Variants in LAMA5 observed in about 807,000 individuals in gnomAD.
LAMA5 encodes the protein laminin subunit alpha-5.
LAMA5 carries 260 observed loss-of-function variants against 433.4 expected under a neutral mutation model. The observed-to-expected ratio is 0.60, with a 90% CI of 0.54 to 0.66. LAMA5 has a LOEUF of 0.66. LAMA5 is among the 30% of genes least tolerant of loss of function. The probability of loss-of-function intolerance (pLI) is 0.00; values close to 1 mark genes in which losing one functional copy is unlikely to be tolerated. For synonymous variants in LAMA5, 2,620 were observed against 2,226.6 expected (o/e 1.18, Z -4.97); for missense variants, 5,378 against 5,258.5 (o/e 1.02, Z -0.70).
Position 62,314,606 on chromosome 20 carries a change from C to A in LAMA5, c.8316G>T (p.Glu2772Asp). 6.2e-7 allele frequency: 1 copy of A among 1,612,410 alleles called. No individual in the cohort carries two copies. The highest frequency in any genetic ancestry group is 8.5e-7 in the Non-Finnish European group (1 of 1,179,840). The change falls in exon 61 of 80, where the codon GAG (glutamate) becomes GAT (aspartate). Residue 2772 changes from glutamate to aspartate, a missense_variant. Coordinates refer to ENST00000252999, the MANE Select transcript of LAMA5 (RefSeq NM_005560.6). ...AGCGATCCTCGGTACCCTGCCCAGG[C>A]TCAGGCTCTGGGCCCTGCAGGTAGA... The part of the protein sequence containing the change: ...LKFYLQGPEP[E>D]PGQGTEDRFV...
At chr20:62,355,551 T>C (rs901514583) in intron 2 of LAMA5, 3 of 151,892 alleles carry the variant, frequency 2.0e-5, no homozygotes, top group Non-Finnish European at 4.4e-5. Flanking sequence ...GGCTTGGCGT[T>C]GCGGGGACTG....
Position 62,311,050 on chromosome 20 carries a change from A to C in LAMA5, c.10133T>G (p.Leu3378Arg), listed in dbSNP as rs147595855. ...CCTCAGACGGGCAGTGAAGAGGAGG[A>C]GGCCTCGGGAGCTTCGCGGGAGGAC... Reference protein sequence around the residue: ...MHVLPRSSRGLLLFTARLRPG... With the variant: ...MHVLPRSSRGRLLFTARLRPG... The change falls in exon 74 of 80, where the codon CTC (leucine) becomes CGC (arginine). Residue 3378 changes from leucine (L) to arginine (R), a missense_variant. Physicochemically the swap from Leu to Arg is moderately radical, Grantham distance 102 (BLOSUM62 -2). Coordinates refer to ENST00000252999, the MANE Select transcript of LAMA5 (RefSeq NM_005560.6). 2.7e-4 allele frequency: 432 copies of C among 1,602,372 alleles called. No homozygotes were observed. Among genetic ancestry groups the C allele is most frequent in the East Asian group, 3.4e-4 (15 of 44,626 alleles).
At position 62,318,483 on chromosome 20, in the gene LAMA5, G is replaced by A. The variant is rs147913341; in HGVS notation, c.7210C>T (p.Arg2404Cys). 74 of 1,606,056 alleles carry A rather than the reference G, an allele frequency of 4.6e-5. No homozygotes were observed. Among genetic ancestry groups the A allele is most frequent in the East Asian group, 3.8e-4 (17 of 44,738 alleles). ...ATREAQELNS[R>C]NQERLEEALQ... ...GCTTCCTCCAGGCGCTCCTGGTTGC[G>A]GCTGTTGAGCTCCTGGGCCTCCCGT... The change falls in exon 53 of 80, where the codon CGC (arginine) becomes TGC (cysteine). Residue 2404 changes from arginine to cysteine, a missense_variant. By Grantham distance (180) the Arg-to-Cys change is radical. Coordinates refer to ENST00000252999, the MANE Select transcript of LAMA5 (RefSeq NM_005560.6).
At chr20:62,316,596 G>T in intron 57 of LAMA5, 75 bp downstream of exon 57, 1 of 1,177,192 alleles carries the variant, frequency 8.5e-7, no homozygotes. Context: ...GTGTGCATGT[G>T]GCTGGGGGCT....
At chr20:62,342,486 C>T (rs968429048) in intron 11 of LAMA5, among the ~76,000 whole-genome samples, 2 of 151,830 alleles carry the variant, frequency 1.3e-5, no homozygotes, top group Admixed American at 1.3e-4. Context: ...GACCATCCTG[C>T]TTTAACACGG....
chr20:62,365,608 C>A (rs116732240), intron 1 of LAMA5, among the ~76,000 whole-genome samples: 9,642 of 152,220 alleles, frequency 0.063, 334 homozygotes, highest in South Asian at 0.18. Flanking sequence ...TGAGGTGTGG[C>A]AGCAGGTAAG....
chr20:62,312,236 G>A lies in LAMA5; in HGVS notation c.9441C>T (p.Val3147=), dbSNP rs1323440807. Residue 3147 remains valine, a synonymous_variant, in exon 69 of 80, where the codon GTC becomes GTT. Transcript: ENST00000252999. ...LSNVAPLTGN[V]YSGFGFHSAQ... Reference sequence around the variant, plus strand: ...CGCTGTGGAAGCCGAAGCCGGAGTAGACGTTGCCAGTGAGCGGTGCCACGT... The same window carrying A: ...CGCTGTGGAAGCCGAAGCCGGAGTAAACGTTGCCAGTGAGCGGTGCCACGT... 2 of 1,611,122 alleles carry A rather than the reference G, an allele frequency of 1.2e-6. No individual in the cohort carries two copies. Among genetic ancestry groups the A allele is most frequent in the South Asian group, 1.1e-5 (1 of 90,838 alleles).
rs376557085 is a variant in LAMA5 at position 62,351,819 on chromosome 20, G to A, written c.859-18C>T. 88 of 1,593,932 alleles carry A rather than the reference G, an allele frequency of 5.5e-5. No individual in the cohort carries two copies. The highest frequency in any genetic ancestry group is 6.9e-5 in the Non-Finnish European group (81 of 1,172,100). On this transcript the variant is annotated intron_variant, in intron 5 of 79. Coordinates refer to ENST00000252999, the MANE Select transcript of LAMA5 (RefSeq NM_005560.6). ...TAATAATACTGCACCCGCAGGCCCC[G>A]TGAGCACCAGGCGGCCAGGCCTCAC...
Position 62,310,741 on chromosome 20 carries a change from T to G in LAMA5, c.10370A>C (p.Gln3457Pro). Residue 3457 changes from glutamine (Q) to proline (P), a missense_variant, in exon 75 of 80, where the codon CAG becomes CCG. Coordinates refer to ENST00000252999, the MANE Select transcript of LAMA5 (RefSeq NM_005560.6). The part of the protein sequence containing the change: ...WSQEGPHRQH[Q>P]GAEHPQPHTL... ...GTGGGGCTGGGGGTGCTCTGCCCCC[T>G]GGTGCTGCCGGTGCGGCCCCTCCTG... 6.3e-7 allele frequency: 1 copy of G among 1,580,806 alleles called. No individual in the cohort carries two copies. The highest frequency in any genetic ancestry group is 8.6e-7 in the Non-Finnish European group (1 of 1,166,320).
At chr20:62,320,318 CAAAAAAAAAA>C (rs60260941) in intron 50 of LAMA5, among the ~76,000 whole-genome samples, 2 of 51,282 alleles carry the variant, frequency 3.9e-5, no homozygotes, top group South Asian at 1.2e-3. Flanking sequence ...AACTGTGTCT[CAAAAAAAAAA>C]AAAAAAAAAA....
chr20:62,309,948 T>TG (rs754547595), intron 78 of LAMA5, 40 bp downstream of exon 78: 25 of 1,604,518 alleles, frequency 1.6e-5, no homozygotes, highest in Non-Finnish European at 5.9e-6. Context: ...TGCAGAAGGG[T>TG]GGGGGTGGCA....
In LAMA5 at chr20:62,320,897, G is replaced by A. The variant is rs1384025504; in HGVS notation, c.6497-7C>T. 3.1e-6 allele frequency: 5 copies of A among 1,603,090 alleles called. No homozygotes were observed. The highest frequency in any genetic ancestry group is 2.2e-5 in the South Asian group (2 of 90,670). On this transcript the variant is annotated splice_region_variant and splice_polypyrimidine_tract_variant and intron_variant, in intron 48 of 79. Transcript: ENST00000252999. Reference sequence around the variant, plus strand: ...ACCACACAGTGGTCACACACTGCAGGCGATGTGGGGTCACAGGTCAGTGTC... The same window carrying A: ...ACCACACAGTGGTCACACACTGCAGACGATGTGGGGTCACAGGTCAGTGTC...
intron 67 of LAMA5, 23 bp downstream of exon 67, chr20:62,312,609 C>T (rs776380979): frequency 6.2e-7 from 1 of 1,601,692 alleles, no homozygotes; most frequent in East Asian, 2.3e-5. Flanking sequence ...GGCCTCGGAG[C>T]CCCAGCTGCG....
Position 62,319,136 on chromosome 20 carries a change from CGCACCTGGGTGGCCCCTAGA to C in LAMA5, c.6872-143_6872-124del, listed in dbSNP as rs1987377669. On this transcript the variant is annotated intron_variant, in intron 51 of 79. Coordinates refer to ENST00000252999, the MANE Select transcript of LAMA5 (RefSeq NM_005560.6). ...GCAGGCCAGGGGCCCGGAACCTGAGCGCACCTGGGTGGCCCCTAGAGCACCTGGCGAAAGGCCACAGCTGC... is the reference window on the plus strand; with the variant it reads ...GCAGGCCAGGGGCCCGGAACCTGAGCGCACCTGGCGAAAGGCCACAGCTGC... The C allele has an allele frequency of 3.7e-6, 4 of 1,074,110 alleles. No homozygotes were observed. In the African/African-American group the frequency reaches 6.4e-5, roughly 17 times the overall value. 66.5% of individuals were successfully genotyped at this position (1,074,110 alleles called of 1,614,324 possible).
rs770685074 is a variant in LAMA5, at chr20:62,337,840, A to G, written c.1990T>C (p.Cys664Arg). The change falls in exon 15 of 80, where the codon TGC becomes CGC. Residue 664 changes from cysteine (C) to arginine (R), a missense_variant. Transcript: ENST00000252999. ...PGYTGTACQE[C>R]SPGFHGFPSC... is the part of the protein sequence containing the mutation. ...GGGAAGCCGTGAAAGCCGGGGCTGCATTCCTGGCAGGCAGTGCCTGTGTAG... is the reference window on the plus strand; with the variant it reads ...GGGAAGCCGTGAAAGCCGGGGCTGCGTTCCTGGCAGGCAGTGCCTGTGTAG... 1 of 1,612,774 alleles carries G rather than the reference A, an allele frequency of 6.2e-7. No homozygotes were observed. Among genetic ancestry groups the G allele is most frequent in the Non-Finnish European group, 8.5e-7 (1 of 1,179,950 alleles).
At position 62,311,234 on chromosome 20, in the gene LAMA5, T is replaced by C; in HGVS notation, c.10016A>G (p.Asp3339Gly). ...MLPPHLRTTR[D>G]SYQFGGSLSS... ...CAGGGAACCCCCAAACTGGTAGGAG[T>C]CTCGGGTGGTCCTGAGGTGTGGGGG... Residue 3339 changes from aspartate to glycine, a missense_variant, in exon 73 of 80, where the codon GAC becomes GGC. Transcript: ENST00000252999. 1.9e-6 allele frequency: 3 copies of C among 1,609,408 alleles called. No individual in the cohort carries two copies. Among genetic ancestry groups the C allele is most frequent in the Non-Finnish European group, 2.5e-6 (3 of 1,178,766 alleles).
At position 62,311,798 on chromosome 20, in the gene LAMA5, G is replaced by A. The variant is rs563474637; in HGVS notation, c.9636-14C>T. The A allele has an allele frequency of 1.3e-5, 20 of 1,558,652 alleles. 1 individual carries two copies. In the East Asian group the frequency reaches 3.9e-4, roughly 30 times the overall value. On this transcript the variant is annotated splice_polypyrimidine_tract_variant and intron_variant, in intron 70 of 79. Transcript: ENST00000252999. Reference sequence around the variant, plus strand: ...TACAGCCAGACTCTGGGGGGCGGGAGGCCGGAGGCTCGGTTTTTCCCCACC... The same window carrying A: ...TACAGCCAGACTCTGGGGGGCGGGAAGCCGGAGGCTCGGTTTTTCCCCACC...
In LAMA5 at chr20:62,315,227, G is replaced by A; in HGVS notation, c.7868-20C>T. ...TCTCGTCTGTGGTGGGCAGAGGGCA[G>A]GCTCAGCAGGGGCCAGCGGGGACCA... is the stretch of plus-strand genomic sequence containing the variant. On this transcript the variant is annotated intron_variant, in intron 58 of 79. Coordinates refer to ENST00000252999, the MANE Select transcript of LAMA5 (RefSeq NM_005560.6). 3 of 1,586,242 alleles carry A rather than the reference G, an allele frequency of 1.9e-6. No homozygotes were observed. The highest frequency in any genetic ancestry group is 2.6e-6 in the Non-Finnish European group (3 of 1,165,238).
Position 62,310,673 on chromosome 20 carries a change from T to G in LAMA5, c.10438A>C (p.Lys3480Gln). The G allele has an allele frequency of 6.2e-7, 1 of 1,603,238 alleles. No individual in the cohort carries two copies. Among genetic ancestry groups the G allele is most frequent in the Non-Finnish European group, 8.5e-7 (1 of 1,178,456 alleles). ...GGCAAGATGGTTCTCACCGGAAGTT[T>G]GGAGCTGTGGCTGCTGGCCGGGAGG... ...GGLPASSHSS[K>Q]LPVTVGFSGC... The change falls in exon 75 of 80, where the codon AAA (lysine) becomes CAA (glutamine). Residue 3480 changes from lysine to glutamine, a missense_variant. Transcript: ENST00000252999.
Sources: allele counts gnomAD v4.1 joint callset (sites outside exome capture counted in the v4.1 genomes callset), GRCh38; gene constraint gnomAD v4.1.1; transcripts MANE v1.5; gene names NCBI Gene and HGNC (gene_info 2026-07-23, HGNC 2026-07-21).